SNCAIP: variants seen among roughly 807,000 people sequenced by gnomAD.
SNCAIP encodes synphilin-1.
A neutral mutation model predicts 86.7 loss-of-function variants in SNCAIP; 43 were observed. The observed-to-expected ratio is 0.50, with a 90% CI of 0.39 to 0.64. The LOEUF (loss-of-function observed/expected upper bound fraction) is 0.64. SNCAIP is among the 30% of genes least tolerant of loss of function. The pLI is 0.00. For synonymous variants in SNCAIP, 417 were observed against 427.2 expected (o/e 0.98, Z 0.29); for missense variants, 981 against 1,103.1 (o/e 0.89, Z 1.57).
At chr5:122,431,292 A>C (rs1237045960) in intron 5 of SNCAIP, among the ~76,000 whole-genome samples, 1 of 152,078 alleles carries the variant, frequency 6.6e-6, no homozygotes, top group African/African-American at 2.4e-5. Flanking sequence ...CACTATTCAC[A>C]AAAAAAATTC....
At chr5:122,353,746 G>T (rs986780147) in intron 1 of SNCAIP, among the ~76,000 whole-genome samples, 3 of 152,052 alleles carry the variant, frequency 2.0e-5, no homozygotes, top group Admixed American at 1.3e-4. Flanking sequence ...TAATTGTGAG[G>T]CCTCCCTAGC....
intron 1 of SNCAIP, among the ~76,000 whole-genome samples, chr5:122,330,231 C>G (rs1277856684): frequency 1.3e-5 from 2 of 149,730 alleles, no homozygotes; most frequent in Non-Finnish European, 3.0e-5. Flanking sequence ...ACGCCATTGT[C>G]CTGCCTCAGC....
chr5:122,399,878 C>T (rs1771427437), intron 2 of SNCAIP, among the ~76,000 whole-genome samples: 2 of 152,050 alleles, frequency 1.3e-5, no homozygotes, highest in African/African-American at 2.4e-5. Context: ...CTGGGCCCCA[C>T]CCTCAGAGTT....
In SNCAIP at chr5:122,425,072, A is replaced by G. The variant is rs376484229; in HGVS notation, c.1003-280A>G. ...ACAGGGAACCTGACAATTACTGTAA[A>G]TGTAATTATAGTTCTTTAGAAAGCC... On this transcript the variant is annotated intron_variant, in intron 4 of 10. Coordinates refer to ENST00000261368, the MANE Select transcript of SNCAIP (RefSeq NM_005460.4). Among the ~76,000 whole-genome samples, 5 of 152,342 alleles carry G rather than the reference A, an allele frequency of 3.3e-5. No individual in the cohort carries two copies. The South Asian group carries it at 8.3e-4, about 25-fold the overall frequency.
intron 1 of SNCAIP, among the ~76,000 whole-genome samples, chr5:122,339,975 TG>T (rs1171523918): frequency 6.6e-6 from 1 of 152,148 alleles, no homozygotes; most frequent in African/African-American, 2.4e-5. Flanking sequence ...CAACTCAGCT[TG>T]AAAACAATAT....
chr5:122,370,804 T>A (rs932180329), intron 1 of SNCAIP, among the ~76,000 whole-genome samples: 3 of 152,218 alleles, frequency 2.0e-5, no homozygotes, highest in Admixed American at 6.5e-5. Flanking sequence ...TAAGCTTTTT[T>A]TGGTTTTGCA....
intron 8 of SNCAIP, among the ~76,000 whole-genome samples, chr5:122,447,468 A>C (rs1662309244): frequency 1.3e-5 from 2 of 151,264 alleles, no homozygotes; most frequent in African/African-American, 4.9e-5. Flanking sequence ...CCTGAGATTC[A>C]AGTTGTCAGT....
At chr5:122,441,995 A>G (rs1271924244) in intron 7 of SNCAIP, among the ~76,000 whole-genome samples, 2 of 152,028 alleles carry the variant, frequency 1.3e-5, no homozygotes, top group Non-Finnish European at 2.9e-5. Context: ...AATTGACAAC[A>G]TATGGTTGAA....
At chr5:122,441,844 A>C (rs2152974165) in intron 7 of SNCAIP, among the ~76,000 whole-genome samples, 1 of 152,334 alleles carries the variant, frequency 6.6e-6, no homozygotes, top group Admixed American at 6.5e-5. Flanking sequence ...ACAAAGTCAA[A>C]GTTTAGACTT....
At chr5:122,382,426 T>C (rs1767050284) in intron 1 of SNCAIP, among the ~76,000 whole-genome samples, 1 of 152,216 alleles carries the variant, frequency 6.6e-6, no homozygotes, top group Admixed American at 6.5e-5. Flanking sequence ...GTATTGGTTA[T>C]TCTAGTTATA....
At chr5:122,360,573 T>C (rs1762000220) in intron 1 of SNCAIP, among the ~76,000 whole-genome samples, 1 of 152,234 alleles carries the variant, frequency 6.6e-6, no homozygotes, top group African/African-American at 2.4e-5. Flanking sequence ...TTAATGAATG[T>C]TACTTAACCT....
At chr5:122,369,290 C>T (rs1271145810) in intron 1 of SNCAIP, among the ~76,000 whole-genome samples, 1 of 152,174 alleles carries the variant, frequency 6.6e-6, no homozygotes. Context: ...TGTTTTATTT[C>T]TCCTCCTCTG....
In SNCAIP at chr5:122,325,257, C is replaced by A. The variant is rs112417480; in HGVS notation, c.-47+12973C>A. 8.3e-3 allele frequency among the ~76,000 whole-genome samples: 1,268 copies of A among 152,242 alleles called. 12 individuals are homozygous for A. Among genetic ancestry groups the A allele is most frequent in the African/African-American group, 0.028 (1,176 of 41,542 alleles). On this transcript the variant is annotated intron_variant, in intron 1 of 10. Transcript: ENST00000261368. ...AATCCAATCAGCAGGCTCCCTTGTT[C>A]TCTGGCTTCCGGTTGGGTTTGGCCA... is the stretch of plus-strand genomic sequence containing the variant.
At chr5:122,323,938 G>A (rs912101103) in intron 1 of SNCAIP, among the ~76,000 whole-genome samples, 1 of 152,110 alleles carries the variant, frequency 6.6e-6, no homozygotes, top group African/African-American at 2.4e-5. Flanking sequence ...TTTTAAAAAT[G>A]CAAAGATGAT....
intron 3 of SNCAIP, among the ~76,000 whole-genome samples, chr5:122,405,633 T>C (rs571801038): frequency 6.6e-6 from 1 of 152,328 alleles, no homozygotes; most frequent in Admixed American, 6.5e-5. Flanking sequence ...CCCTTACATA[T>C]ACTACCCTTC....
intron 1 of SNCAIP, among the ~76,000 whole-genome samples, chr5:122,381,715 G>C (rs1235711431): frequency 6.6e-6 from 1 of 151,918 alleles, no homozygotes; most frequent in East Asian, 1.9e-4. Context: ...GTTCCTTCAG[G>C]AGCTCTTTTA....
At chr5:122,425,590 T>A in intron 5 of SNCAIP, 59 bp downstream of exon 5, 1 of 1,413,644 alleles carries the variant, frequency 7.1e-7, no homozygotes, top group South Asian at 1.2e-5. Context: ...TTTTTTAAGA[T>A]TCCTTGTGAG....
chr5:122,343,638 C>G (rs1486681074), intron 1 of SNCAIP, among the ~76,000 whole-genome samples: 1 of 152,180 alleles, frequency 6.6e-6, no homozygotes, highest in Non-Finnish European at 1.5e-5. Context: ...CGGTTATATA[C>G]CTCAATCGCT....
intron 3 of SNCAIP, among the ~76,000 whole-genome samples, chr5:122,418,538 TA>T (rs979159089): frequency 7.2e-5 from 11 of 152,226 alleles, no homozygotes; most frequent in African/African-American, 2.2e-4. Context: ...AAATTGAACA[TA>T]AAACATTCCT....
Sources: allele counts gnomAD v4.1 joint callset (sites outside exome capture counted in the v4.1 genomes callset), GRCh38; gene constraint gnomAD v4.1.1; transcripts MANE v1.5; gene names NCBI Gene and HGNC (gene_info 2026-07-23, HGNC 2026-07-21).